Variants in GLCCI1 observed in about 807,000 individuals in gnomAD.
The protein encoded by GLCCI1 is glucocorticoid-induced transcript 1 protein.
A neutral mutation model predicts 52.2 loss-of-function variants in GLCCI1; 24 were observed. The ratio of observed to expected loss-of-function variants is 0.46; its 90% confidence interval spans 0.33 to 0.65. GLCCI1 has a LOEUF of 0.65. Ranked by LOEUF, GLCCI1 falls within the 30% of genes least tolerant of loss-of-function variation. GLCCI1 has a pLI of 0.02. For missense variants in GLCCI1, 704 were observed against 701.5 expected, an observed-to-expected ratio of 1.00 and a Z score of -0.04; for synonymous variants, 310 against 276.5, an observed-to-expected ratio of 1.12 and a Z score of -1.20.
intron 3 of GLCCI1, among the ~76,000 whole-genome samples, chr7:8,047,482 C>T (rs1782157960): frequency 1.3e-5 from 2 of 152,186 alleles, no homozygotes; most frequent in African/African-American, 2.4e-5. Context: ...CGTTAATTTG[C>T]ACCCATTTAG....
intron 2 of GLCCI1, among the ~76,000 whole-genome samples, chr7:8,006,325 G>A (rs2115428848): frequency 6.6e-6 from 1 of 152,326 alleles, no homozygotes; most frequent in South Asian, 2.1e-4. Context: ...GGAGAGTGCA[G>A]TATTGGAGAT....
Position 8,086,864 on chromosome 7 carries a change from C to G in GLCCI1, c.*326C>G. Reference sequence around the variant, plus strand: ...AAATAAGCTCTATATCAAAAAGTTGCCTGTCTAAATAGAAAATGTCTTGCT... The same window carrying G: ...AAATAAGCTCTATATCAAAAAGTTGGCTGTCTAAATAGAAAATGTCTTGCT... On this transcript the variant is annotated 3_prime_UTR_variant, in exon 8 of 8. Coordinates refer to ENST00000223145, the MANE Select transcript of GLCCI1 (RefSeq NM_138426.4). This position sits in a 1 kb window ranked among gnomAD's most constrained non-coding sequence, Gnocchi z 4.4. 1 of 208,012 alleles carries G rather than the reference C, an allele frequency of 4.8e-6. No homozygotes were observed. The highest frequency in any genetic ancestry group is 9.6e-6 in the Non-Finnish European group (1 of 103,750). The allele number at this position is 208,012 out of a possible 1,614,324, so 12.9% of individuals were successfully genotyped here.
intron 1 of GLCCI1, among the ~76,000 whole-genome samples, chr7:7,971,894 G>A (rs550745886): frequency 6.6e-6 from 1 of 152,284 alleles, no homozygotes; most frequent in African/African-American, 2.4e-5. Flanking sequence ...CTTTGCTAAA[G>A]ATGTTTTTCT....
chr7:8,023,588 CTTTTTTTTTTTTTTTT>C lies in GLCCI1; in HGVS notation c.696+1032_696+1047del, dbSNP rs571726894. Among the ~76,000 whole-genome samples the C allele has an allele frequency of 5.0e-3, 209 of 41,994 alleles. 4 individuals carry two copies. The highest frequency in any genetic ancestry group is 0.019 in the African/African-American group (186 of 9,808). The allele number at this position is 41,994 out of a possible 152,430, so 27.5% of individuals were successfully genotyped here. A position where few individuals can be genotyped will look rare whatever the true frequency, so the allele number is the denominator to read the frequency against. On this transcript the variant is annotated intron_variant, in intron 3 of 7. Coordinates refer to ENST00000223145, the MANE Select transcript of GLCCI1 (RefSeq NM_138426.4). ...AGATGGTCATCTAATCTCTGTTATTCTTTTTTTTTTTTTTTTTTTTTTTTTTTTGAGGTGGAATCTC... is the reference window on the plus strand; with the variant it reads ...AGATGGTCATCTAATCTCTGTTATTCTTTTTTTTTTTTGAGGTGGAATCTC...
At chr7:7,982,615 T>C (rs930701388) in intron 1 of GLCCI1, among the ~76,000 whole-genome samples, 21 of 152,208 alleles carry the variant, frequency 1.4e-4, no homozygotes, top group Non-Finnish European at 1.8e-4. Context: ...GCCTATACTT[T>C]AGAAGTCCCC....
chr7:8,040,525 AACACAC>A (rs58561376), intron 3 of GLCCI1, among the ~76,000 whole-genome samples: 6,346 of 145,074 alleles, frequency 0.044, 363 homozygotes, highest in African/African-American at 0.13. Flanking sequence ...AGATATAATT[AACACAC>A]ACACACACAC....
At chr7:8,029,489 T>C (rs1460935528) in intron 3 of GLCCI1, among the ~76,000 whole-genome samples, 1 of 152,154 alleles carries the variant, frequency 6.6e-6, no homozygotes. Context: ...ATTATTGTGC[T>C]GAATAGGGAA....
At chr7:8,057,228 CCACA>C (rs1782417182) in intron 4 of GLCCI1, among the ~76,000 whole-genome samples, 2 of 152,060 alleles carry the variant, frequency 1.3e-5, no homozygotes, top group South Asian at 4.2e-4. Flanking sequence ...AAGCATATGT[CCACA>C]CAAACACTTG....
chr7:8,073,677 T>C (rs1254841914), intron 6 of GLCCI1, among the ~76,000 whole-genome samples: 1 of 152,200 alleles, frequency 6.6e-6, no homozygotes, highest in Non-Finnish European at 1.5e-5. Flanking sequence ...TATTGGCACA[T>C]GGCAAACAAT....
intron 2 of GLCCI1, among the ~76,000 whole-genome samples, chr7:8,016,257 C>T (rs1354639042): frequency 1.3e-5 from 2 of 152,128 alleles, no homozygotes; most frequent in African/African-American, 4.8e-5. Context: ...ATCATGAGGT[C>T]AGGAGATCAA....
At chr7:7,995,968 A>G (rs1228039308) in intron 1 of GLCCI1, among the ~76,000 whole-genome samples, 1 of 152,210 alleles carries the variant, frequency 6.6e-6, no homozygotes, top group Non-Finnish European at 1.5e-5. Context: ...AGCCTATTTT[A>G]TAACCTTTGT....
chr7:7,988,373 T>C (rs1281879064), intron 1 of GLCCI1, among the ~76,000 whole-genome samples: 1 of 152,222 alleles, frequency 6.6e-6, no homozygotes, highest in African/African-American at 2.4e-5. Context: ...CATACCACCT[T>C]GCTTTGACAA....
At chr7:8,021,985 G>A (rs1781501196) in intron 2 of GLCCI1, among the ~76,000 whole-genome samples, 1 of 151,994 alleles carries the variant, frequency 6.6e-6, no homozygotes, top group Non-Finnish European at 1.5e-5. Flanking sequence ...AAAGATGCCT[G>A]ATATTTTTCA....
At chr7:7,972,732 TATAA>T (rs1325083866) in intron 1 of GLCCI1, among the ~76,000 whole-genome samples, 6 of 152,172 alleles carry the variant, frequency 3.9e-5, no homozygotes, top group Non-Finnish European at 8.8e-5. Context: ...AGCTGAATTC[TATAA>T]ATAGGAATAG....
Position 8,005,156 on chromosome 7 carries a change from C to G in GLCCI1, c.609+1097C>G, listed in dbSNP as rs182137743. Reference sequence around the variant, plus strand: ...CAAAACTTAGAGGTGTGGGCCTGGACAGTTAGAGATCTGGACACAGATAAT... The same window carrying G: ...CAAAACTTAGAGGTGTGGGCCTGGAGAGTTAGAGATCTGGACACAGATAAT... On this transcript the variant is annotated intron_variant, in intron 2 of 7. Coordinates refer to ENST00000223145, the MANE Select transcript of GLCCI1 (RefSeq NM_138426.4). Among the ~76,000 whole-genome samples the G allele has an allele frequency of 3.5e-3, 537 of 152,074 alleles. 4 individuals carry two copies. The highest frequency in any genetic ancestry group is 0.014 in the Middle Eastern group (4 of 294).
intron 3 of GLCCI1, among the ~76,000 whole-genome samples, chr7:8,047,988 T>C (rs1782173942): frequency 6.6e-6 from 1 of 152,226 alleles, no homozygotes; most frequent in Non-Finnish European, 1.5e-5. Context: ...CAGGGGCTTC[T>C]TTTCTCTTTC....
intron 3 of GLCCI1, among the ~76,000 whole-genome samples, chr7:8,039,698 C>G (rs1027349361): frequency 3.3e-5 from 5 of 152,064 alleles, no homozygotes; most frequent in Admixed American, 2.6e-4. Context: ...GATGGTTCCA[C>G]TAAAAGCCCA....
At chr7:7,980,001 T>C (rs1410151878) in intron 1 of GLCCI1, among the ~76,000 whole-genome samples, 1 of 152,180 alleles carries the variant, frequency 6.6e-6, no homozygotes, top group African/African-American at 2.4e-5. Context: ...AGTGGCACAA[T>C]CTTGGCTCAC....
intron 5 of GLCCI1, among the ~76,000 whole-genome samples, chr7:8,061,123 G>A (rs1391195963): frequency 1.4e-5 from 2 of 146,736 alleles, no homozygotes; most frequent in East Asian, 2.0e-4. Flanking sequence ...TTTTTGAGGT[G>A]GAGTCTCGCT....
Sources: allele counts gnomAD v4.1 joint callset (sites outside exome capture counted in the v4.1 genomes callset), GRCh38; gene constraint gnomAD v4.1.1; non-coding constraint Gnocchi (gnomAD v3.1); transcripts MANE v1.5; gene names NCBI Gene and HGNC (gene_info 2026-07-23, HGNC 2026-07-21).